Variants in PTPRG observed in about 807,000 individuals in gnomAD.
PTPRG encodes receptor-type tyrosine-protein phosphatase gamma.
A neutral mutation model predicts 165.3 loss-of-function variants in PTPRG; 102 were observed. That is an observed-to-expected ratio of 0.62 (90% CI 0.53 to 0.73). The LOEUF is 0.73. PTPRG is among the 30% of genes least tolerant of loss of function. The probability of loss-of-function intolerance (pLI) is 0.00; values close to 1 mark genes in which losing one functional copy is unlikely to be tolerated. For synonymous variants in PTPRG, 675 were observed against 669.5 expected (o/e 1.01, Z -0.13); for missense variants, 1,866 against 1,861.4 (o/e 1.00, Z -0.05).
At chr3:61,992,413 C>G (rs1468860652) in intron 3 of PTPRG, among the ~76,000 whole-genome samples, 3 of 152,216 alleles carry the variant, frequency 2.0e-5, no homozygotes, top group South Asian at 2.1e-4. Flanking sequence ...GGCTGGAGTT[C>G]AGTTGGCATG....
Position 62,195,243 on chromosome 3 carries a change from C to T in PTPRG, c.1327+73C>T. ...TCCCAATGCTTTCTGCTTCTTCCTG[C>T]TCAGGTGCTGGGGAAAAATACAAAC... On this transcript the variant is annotated intron_variant, in intron 10 of 29. Coordinates refer to ENST00000474889, the MANE Select transcript of PTPRG (RefSeq NM_002841.4). The surrounding 1 kb of genome is among the most constrained non-coding windows in gnomAD (Gnocchi z 4.4). The T allele has an allele frequency of 7.5e-7, 1 of 1,334,180 alleles. No homozygotes were observed. Among genetic ancestry groups the T allele is most frequent in the East Asian group, 2.3e-5 (1 of 43,530 alleles). 82.6% of individuals were successfully genotyped at this position (1,334,180 alleles called of 1,614,324 possible). A position where few individuals can be genotyped will look rare whatever the true frequency, so the allele number is the denominator to read the frequency against.
rs139231084 is a variant in PTPRG at position 61,704,509 on chromosome 3, G to A, written c.86-44369G>A. 2.0e-5 allele frequency among the ~76,000 whole-genome samples: 3 copies of A among 152,198 alleles called. No homozygotes were observed. The East Asian group carries it at 5.8e-4, about 29-fold the overall frequency. ...CAGTTTGGCCTCTGTTCACTAGATA[G>A]CTCCAGTGTGGTAATAAAAAATGTC... On this transcript the variant is annotated intron_variant, in intron 1 of 29. Coordinates refer to ENST00000474889, the MANE Select transcript of PTPRG (RefSeq NM_002841.4).
intron 2 of PTPRG, among the ~76,000 whole-genome samples, chr3:61,833,865 G>A (rs1181844627): frequency 1.3e-5 from 2 of 152,148 alleles, no homozygotes; most frequent in Non-Finnish European, 2.9e-5. Flanking sequence ...GCGCCCAGCC[G>A]TGTTGAAGTG....
chr3:62,019,170 C>G (rs1348115156), intron 4 of PTPRG, among the ~76,000 whole-genome samples: 1 of 152,174 alleles, frequency 6.6e-6, no homozygotes, highest in African/African-American at 2.4e-5. Context: ...TGAGGTCCCT[C>G]TGCGACCTCC....
At chr3:62,135,938 T>G (rs1246733142) in intron 6 of PTPRG, among the ~76,000 whole-genome samples, 2 of 152,168 alleles carry the variant, frequency 1.3e-5, no homozygotes, top group Non-Finnish European at 2.9e-5. Flanking sequence ...GTGTTGTCAT[T>G]GGCTGGAGCG....
intron 4 of PTPRG, among the ~76,000 whole-genome samples, chr3:62,037,804 C>T (rs937213749): frequency 3.3e-5 from 5 of 152,150 alleles, no homozygotes; most frequent in African/African-American, 1.2e-4. Flanking sequence ...CTTATTTGTG[C>T]ATTCCTGGGG....
chr3:62,056,257 T>C (rs1181263596), intron 4 of PTPRG, among the ~76,000 whole-genome samples: 1 of 152,246 alleles, frequency 6.6e-6, no homozygotes, highest in Non-Finnish European at 1.5e-5. Context: ...TCCACTGAGA[T>C]ATGTGTTATG....
intron 2 of PTPRG, among the ~76,000 whole-genome samples, chr3:61,978,820 C>G (rs2040569286): frequency 2.0e-5 from 3 of 152,288 alleles, no homozygotes; most frequent in Admixed American, 2.0e-4. Flanking sequence ...TCCAATAAAA[C>G]TGTTTATAAA....
chr3:61,978,703 C>G (rs1381863042), intron 2 of PTPRG, among the ~76,000 whole-genome samples: 1 of 152,188 alleles, frequency 6.6e-6, no homozygotes, highest in East Asian at 1.9e-4. Context: ...GGTCAACAAA[C>G]AGTTTCTGTA....
chr3:61,987,006 G>T (rs949426381), intron 2 of PTPRG, among the ~76,000 whole-genome samples: 3 of 152,048 alleles, frequency 2.0e-5, no homozygotes, highest in African/African-American at 7.3e-5. Flanking sequence ...AACTGCAAAT[G>T]ATTAATGGTA....
chr3:61,564,160 C>G (rs1376698941), intron 1 of PTPRG, among the ~76,000 whole-genome samples: 4 of 152,230 alleles, frequency 2.6e-5, no homozygotes, highest in Non-Finnish European at 4.4e-5. Flanking sequence ...TAAAAGATCA[C>G]TGCTCAGTAT....
chr3:62,019,449 G>C (rs900751122), intron 4 of PTPRG, among the ~76,000 whole-genome samples: 1 of 151,446 alleles, frequency 6.6e-6, no homozygotes, highest in African/African-American at 2.4e-5. Flanking sequence ...CTTGAACTCA[G>C]GGGGTGGAGG....
intron 15 of PTPRG, 128 bp downstream of exon 15, chr3:62,244,026 T>C (rs930684859): frequency 1.2e-5 from 7 of 580,952 alleles, no homozygotes; most frequent in Admixed American, 3.4e-5. Flanking sequence ...AAATTCTCTT[T>C]AGAAGAACAA....
intron 1 of PTPRG, among the ~76,000 whole-genome samples, chr3:61,710,446 G>C (rs1182014408): frequency 6.6e-6 from 1 of 152,092 alleles, no homozygotes; most frequent in East Asian, 1.9e-4. Context: ...GTAAACGAAG[G>C]CTTAGATATA....
At position 61,829,076 on chromosome 3, in the gene PTPRG, G is replaced by A. The variant is rs2036194504; in HGVS notation, c.190+80094G>A. ...TGCATGAGCTTGCCTGTGTGTGCCC[G>A]AGTACGTGCCTATGAGTGAGAGAGA... On this transcript the variant is annotated intron_variant, in intron 2 of 29. Coordinates refer to ENST00000474889, the MANE Select transcript of PTPRG (RefSeq NM_002841.4). Among the ~76,000 whole-genome samples, 5 of 152,266 alleles carry A rather than the reference G, an allele frequency of 3.3e-5. No homozygotes were observed. In the South Asian group the frequency reaches 8.3e-4, roughly 25 times the overall value.
At chr3:62,114,521 C>T (rs1702791345) in intron 5 of PTPRG, among the ~76,000 whole-genome samples, 1 of 152,080 alleles carries the variant, frequency 6.6e-6, no homozygotes, top group African/African-American at 2.4e-5. Context: ...TATTCTTTCT[C>T]TTTCCTACAT....
At chr3:61,975,052 C>T (rs993362582) in intron 2 of PTPRG, among the ~76,000 whole-genome samples, 1 of 127,960 alleles carries the variant, frequency 7.8e-6, no homozygotes, top group Non-Finnish European at 1.7e-5. Flanking sequence ...GATCTAAATA[C>T]CAAATAGCAT....
chr3:62,272,977 G>T lies in PTPRG; in HGVS notation c.3214G>T (p.Val1072Leu), dbSNP rs750106141. The T allele has an allele frequency of 2.5e-6, 4 of 1,613,544 alleles. No homozygotes were observed. Among genetic ancestry groups the T allele is most frequent in the African/African-American group, 2.7e-5 (2 of 74,904 alleles). The change falls in exon 22 of 30, where the codon GTA becomes TTA. Residue 1072 changes from valine to leucine, a missense_variant. Coordinates refer to ENST00000474889, the MANE Select transcript of PTPRG (RefSeq NM_002841.4). Reference sequence around the variant, plus strand: ...TGTGGGCAGAACAGGCACCTATATTGTAATAGACAGCATGCTGCAACAGAT... The same window carrying T: ...TGTGGGCAGAACAGGCACCTATATTTTAATAGACAGCATGCTGCAACAGAT... ...AGVGRTGTYI[V>L]IDSMLQQIKD... is the part of the protein sequence containing the mutation.
intron 1 of PTPRG, among the ~76,000 whole-genome samples, chr3:61,624,119 G>A (rs571806020): frequency 2.0e-5 from 3 of 152,148 alleles, no homozygotes; most frequent in African/African-American, 4.8e-5. Context: ...TTTGCTGAGA[G>A]TGCAGTATGT....
Sources: gnomAD v4.1 joint callset for allele counts (sites outside exome capture counted in the v4.1 genomes callset) on GRCh38, gnomAD v4.1.1 for gene constraint, Gnocchi (gnomAD v3.1) non-coding constraint, MANE v1.5 for transcripts, NCBI Gene and HGNC (gene_info 2026-07-23, HGNC 2026-07-21) for gene names.